GRM3: variants seen among roughly 807,000 people sequenced by gnomAD.
GRM3 encodes the protein metabotropic glutamate receptor 3.
In GRM3, 26 loss-of-function variants were observed where a neutral mutation model predicts 70.5. The observed-to-expected ratio is 0.37, with a 90% CI of 0.27 to 0.51. The LOEUF (loss-of-function observed/expected upper bound fraction) is 0.51. Among genes scored for constraint, GRM3 ranks in the 20% least tolerant of loss-of-function variants. The pLI, the probability that GRM3 is intolerant of heterozygous loss-of-function variation, is 0.93. For synonymous variants in GRM3, 443 were observed against 434.9 expected (o/e 1.02, Z -0.23); for missense variants, 859 against 1,123.8 (o/e 0.76, Z 3.37).
At chr7:86,741,350 G>C (rs566808995) in intron 1 of GRM3, among the ~76,000 whole-genome samples, 6 of 152,228 alleles carry the variant, frequency 3.9e-5, no homozygotes, top group Admixed American at 1.3e-4. Context: ...CTTTCACTTA[G>C]CAATCTCCCC....
intron 4 of GRM3, among the ~76,000 whole-genome samples, chr7:86,843,614 G>A (rs1005631339): frequency 6.6e-6 from 1 of 152,148 alleles, no homozygotes; most frequent in African/African-American, 2.4e-5. Flanking sequence ...ATGTTTGAGT[G>A]GAAAGTTATC....
intron 1 of GRM3, among the ~76,000 whole-genome samples, chr7:86,706,106 T>G (rs1339811582): frequency 6.6e-6 from 1 of 152,060 alleles, no homozygotes; most frequent in Non-Finnish European, 1.5e-5. Flanking sequence ...TAAGGATAAA[T>G]GAAAATTACT....
intron 3 of GRM3, among the ~76,000 whole-genome samples, chr7:86,819,909 G>A (rs1158848771): frequency 6.6e-6 from 1 of 152,168 alleles, no homozygotes; most frequent in East Asian, 1.9e-4. Flanking sequence ...AATTCTAGGT[G>A]AACCTAGGTA....
intron 1 of GRM3, among the ~76,000 whole-genome samples, chr7:86,645,702 A>G (rs1489020183): frequency 6.6e-6 from 1 of 152,130 alleles, no homozygotes; most frequent in Non-Finnish European, 1.5e-5. Flanking sequence ...CTCCCACTTT[A>G]AGTATTTTAG....
At chr7:86,761,725 T>C (rs1796484586) in intron 1 of GRM3, among the ~76,000 whole-genome samples, 1 of 152,136 alleles carries the variant, frequency 6.6e-6, no homozygotes, top group South Asian at 2.1e-4. Context: ...TCTTTATCAT[T>C]TTTGTTCATA....
chr7:86,769,487 C>T (rs142222145), intron 2 of GRM3, among the ~76,000 whole-genome samples: 1 of 152,218 alleles, frequency 6.6e-6, no homozygotes, highest in Admixed American at 6.5e-5. Flanking sequence ...GCAATCTCCC[C>T]ATTTGGGCCT....
rs146312281 is a variant in GRM3, at chr7:86,769,530, G to C, written c.468+3917G>C. ...TTTCTCTGCTGAATTGCTTCAGGAA[G>C]TGCTTTCTCTCCAGCTTCCTCTTCT... On this transcript the variant is annotated intron_variant, in intron 2 of 5. Transcript: ENST00000361669. Among the ~76,000 whole-genome samples the C allele has an allele frequency of 1.4e-4, 21 of 152,238 alleles. No individual in the cohort carries two copies. In the East Asian group the frequency reaches 2.3e-3, roughly 17 times the overall value.
chr7:86,813,395 A>G (rs1797952301), intron 3 of GRM3, among the ~76,000 whole-genome samples: 1 of 151,842 alleles, frequency 6.6e-6, no homozygotes, highest in Non-Finnish European at 1.5e-5. Flanking sequence ...TCAAGTTCCT[A>G]CAAGGAGCAG....
At chr7:86,718,268 A>G (rs1795369376) in intron 1 of GRM3, among the ~76,000 whole-genome samples, 2 of 152,062 alleles carry the variant, frequency 1.3e-5, no homozygotes, top group South Asian at 2.1e-4. Flanking sequence ...CCACATCACA[A>G]TTTATCTAAA....
chr7:86,752,277 T>C (rs574215911), intron 1 of GRM3, among the ~76,000 whole-genome samples: 1 of 152,262 alleles, frequency 6.6e-6, no homozygotes, highest in African/African-American at 2.4e-5. Flanking sequence ...ATACGCACTC[T>C]TTGGTGCCTA....
chr7:86,844,417 G>T (rs1331158128), intron 4 of GRM3, among the ~76,000 whole-genome samples: 2 of 152,140 alleles, frequency 1.3e-5, no homozygotes, highest in African/African-American at 2.4e-5. Flanking sequence ...ATGGAAGAGT[G>T]ATTTGATATG....
chr7:86,797,464 G>A (rs1342368178), intron 3 of GRM3, among the ~76,000 whole-genome samples: 1 of 152,210 alleles, frequency 6.6e-6, no homozygotes, highest in Admixed American at 6.5e-5. Context: ...ACTTGAGAGA[G>A]ATGATTTAGG....
chr7:86,805,680 T>C (rs917359283), intron 3 of GRM3, among the ~76,000 whole-genome samples: 4 of 152,218 alleles, frequency 2.6e-5, no homozygotes, highest in Admixed American at 6.5e-5. Context: ...GTTGGAATCA[T>C]ATAGTATGTG....
intron 1 of GRM3, among the ~76,000 whole-genome samples, chr7:86,726,009 A>G (rs1034303117): frequency 6.6e-6 from 1 of 152,178 alleles, no homozygotes; most frequent in Non-Finnish European, 1.5e-5. Context: ...ACTGGGGATT[A>G]GGCTTCAACC....
intron 1 of GRM3, among the ~76,000 whole-genome samples, chr7:86,725,208 A>G (rs1795563444): frequency 6.6e-6 from 1 of 152,152 alleles, no homozygotes; most frequent in African/African-American, 2.4e-5. Flanking sequence ...CTAATCTTTA[A>G]GGATTGATTT....
chr7:86,735,304 G>A (rs1795833178), intron 1 of GRM3, among the ~76,000 whole-genome samples: 1 of 152,036 alleles, frequency 6.6e-6, no homozygotes, highest in South Asian at 2.1e-4. Context: ...CAAAACATTT[G>A]TTCTAGACCT....
At chr7:86,698,467 C>G (rs1794876042) in intron 1 of GRM3, among the ~76,000 whole-genome samples, 1 of 150,428 alleles carries the variant, frequency 6.6e-6, no homozygotes, top group South Asian at 2.1e-4. Flanking sequence ...AATGTTTCCT[C>G]CCTTTCCACA....
At chr7:86,645,354 C>T (rs902927257) in intron 1 of GRM3, among the ~76,000 whole-genome samples, 2 of 152,144 alleles carry the variant, frequency 1.3e-5, no homozygotes, top group Non-Finnish European at 2.9e-5. Context: ...CAGATAAGCT[C>T]CGAAGCCGGA....
intron 3 of GRM3, among the ~76,000 whole-genome samples, chr7:86,831,675 T>A (rs547379064): frequency 6.6e-6 from 1 of 151,570 alleles, no homozygotes; most frequent in East Asian, 1.9e-4. Context: ...GTATTGACAA[T>A]TTCAACAATA....
Sources: gnomAD v4.1 joint callset for allele counts (sites outside exome capture counted in the v4.1 genomes callset) on GRCh38, gnomAD v4.1.1 for gene constraint, MANE v1.5 for transcripts, NCBI Gene and HGNC (gene_info 2026-07-23, HGNC 2026-07-21) for gene names.